The following HERC5 variants were observed in gnomAD, a reference collection of about 807,000 sequenced individuals.
HERC5 encodes the protein E3 ISG15--protein ligase HERC5.
Under a neutral mutation model 119.6 loss-of-function variants are expected in HERC5, and 99 were observed. That is an observed-to-expected ratio of 0.83 (90% CI 0.70 to 0.98). The LOEUF is 0.98. HERC5 is among the 50% of genes least tolerant of loss of function. The pLI is 0.00. For missense variants in HERC5, 1,267 were observed against 1,241.3 expected (o/e 1.02, Z -0.31); for synonymous variants, 478 against 445.9 (o/e 1.07, Z -0.91).
At chr4:88,481,744 A>G (rs1741283799) in intron 13 of HERC5, among the ~76,000 whole-genome samples, 2 of 152,204 alleles carry the variant, frequency 1.3e-5, no homozygotes, top group Non-Finnish European at 2.9e-5. Context: ...CAATACAAAA[A>G]TGAATGGTCA....
intron 18 of HERC5, 118 bp downstream of exon 18, chr4:88,494,449 C>T (rs1741742730): frequency 1.2e-6 from 1 of 833,948 alleles, no homozygotes; most frequent in East Asian, 2.8e-5. Flanking sequence ...GTACTTTAGA[C>T]CAGTTTTAAC....
At chr4:88,482,665 C>A (rs906538001) in intron 13 of HERC5, among the ~76,000 whole-genome samples, 33 of 152,292 alleles carry the variant, frequency 2.2e-4, no homozygotes, top group African/African-American at 7.2e-4. Flanking sequence ...ATAGACAGGT[C>A]CCCCTGGCCC....
intron 12 of HERC5, 71 bp from the exon 13 acceptor site, chr4:88,479,282 C>CT (rs1386017928): frequency 9.0e-7 from 1 of 1,114,804 alleles, no homozygotes; most frequent in Non-Finnish European, 1.2e-6. Flanking sequence ...GAGACTCTGT[C>CT]TCAAAAAAAA....
In HERC5 at chr4:88,460,124, T is replaced by A. The variant is rs1322520060; in HGVS notation, c.419T>A (p.Ile140Lys). 3 of 1,584,166 alleles carry A rather than the reference T, an allele frequency of 1.9e-6. No individual in the cohort carries two copies. Among genetic ancestry groups the A allele is most frequent in the Non-Finnish European group, 1.7e-6 (2 of 1,155,750 alleles). The change falls in exon 3 of 23, where the codon ATA (isoleucine) becomes AAA (lysine). Residue 140 changes from isoleucine to lysine, a missense_variant. This residue lies in a region of HERC5 where 777 missense variants were observed against 758.0 expected (regional missense o/e 1.03). Transcript: ENST00000264350. ...RFESILQEKK[I>K]IQITCGDYHS... Reference sequence around the variant, plus strand: ...GAAAGCATTTTACAAGAAAAAAAAATAATTCAGATCACATGTGGAGATTAC... The same window carrying A: ...GAAAGCATTTTACAAGAAAAAAAAAAAATTCAGATCACATGTGGAGATTAC...
chr4:88,503,136 ATT>A (rs1741994981), intron 20 of HERC5, among the ~76,000 whole-genome samples: 1 of 151,980 alleles, frequency 6.6e-6, no homozygotes. Context: ...TTATCATTTT[ATT>A]TCTCACATTT....
In HERC5 at chr4:88,470,634, C is replaced by A; in HGVS notation, c.1259C>A (p.Ser420Ter). The A allele has an allele frequency of 6.6e-7, 1 of 1,511,516 alleles. No homozygotes were observed. Among genetic ancestry groups the A allele is most frequent in the South Asian group, 1.1e-5 (1 of 87,632 alleles). The allele number at this position is 1,511,516 out of a possible 1,614,324, so 93.6% of individuals were successfully genotyped here. ...TATAGGGAAATCCAAGAGATATTTT[C>A]ATCTCCTGCTTGTCTAACTGGAAGT... ...STKREIQEIF[S>*]SPACLTGSFL... Residue 420 changes from serine to a stop codon, truncating the protein, a stop_gained, in exon 10 of 23, where the codon TCA becomes TAA. Coordinates refer to ENST00000264350, the MANE Select transcript of HERC5 (RefSeq NM_016323.4). LOFTEE classifies it high-confidence loss of function.
intron 18 of HERC5, among the ~76,000 whole-genome samples, chr4:88,496,656 G>T (rs1741804404): frequency 6.6e-6 from 1 of 152,168 alleles, no homozygotes; most frequent in African/African-American, 2.4e-5. Context: ...GTGGATGAAG[G>T]ATTTAGATAT....
intron 18 of HERC5, among the ~76,000 whole-genome samples, chr4:88,498,356 G>A (rs979399930): frequency 6.6e-6 from 1 of 152,190 alleles, no homozygotes; most frequent in African/African-American, 2.4e-5. Flanking sequence ...AGTCATGGGT[G>A]TAGGGCTGCC....
intron 16 of HERC5, among the ~76,000 whole-genome samples, chr4:88,491,186 T>A: frequency 6.6e-6 from 1 of 152,266 alleles, no homozygotes; most frequent in South Asian, 2.1e-4. Flanking sequence ...GCTACAAAGA[T>A]TTTTAGTATT....
chr4:88,479,202 T>C (rs1741186773), intron 12 of HERC5, 151 bp from the exon 13 acceptor site: 18 of 466,466 alleles, frequency 3.9e-5, no homozygotes, highest in Non-Finnish European at 6.2e-5. Context: ...GGAGAATTGC[T>C]TGAACCTGGG....
At chr4:88,476,886 C>T (rs1217710879) in intron 12 of HERC5, among the ~76,000 whole-genome samples, 4 of 151,616 alleles carry the variant, frequency 2.6e-5, no homozygotes, top group Non-Finnish European at 2.9e-5. Flanking sequence ...CGCCATTGCA[C>T]TCCAGCCTGG....
At chr4:88,497,479 G>A (rs1741832064) in intron 18 of HERC5, among the ~76,000 whole-genome samples, 1 of 152,172 alleles carries the variant, frequency 6.6e-6, no homozygotes, top group Non-Finnish European at 1.5e-5. Context: ...AGAGAATGTG[G>A]CTGAATTCTG....
intron 17 of HERC5, among the ~76,000 whole-genome samples, 193 bp downstream of exon 17, chr4:88,493,348 G>A (rs1318572268): frequency 6.6e-6 from 1 of 152,068 alleles, no homozygotes; most frequent in African/African-American, 2.4e-5. Context: ...TCCCATGTCT[G>A]TTCACATCGA....
At chr4:88,468,746 A>G (rs1174917657) in intron 8 of HERC5, among the ~76,000 whole-genome samples, 1 of 152,230 alleles carries the variant, frequency 6.6e-6, no homozygotes, top group East Asian at 1.9e-4. Flanking sequence ...GCAGGCCAGT[A>G]CTAAGAAAGA....
At position 88,461,154 on chromosome 4, in the gene HERC5, T is replaced by C. The variant is rs1740427492; in HGVS notation, c.467-981T>C. The stretch of plus-strand genomic sequence containing the variant: ...AAGGGAAGTTAATAATTAGTGAGTA[T>C]TTGACCTTCATTGCAAGGCCTGTTG... On this transcript the variant is annotated intron_variant, in intron 3 of 22. Coordinates refer to ENST00000264350, the MANE Select transcript of HERC5 (RefSeq NM_016323.4). Among the ~76,000 whole-genome samples, 10 of 152,338 alleles carry C rather than the reference T, an allele frequency of 6.6e-5. No homozygotes were observed. The South Asian group carries it at 2.1e-3, about 32-fold the overall frequency.
rs1252910180 is a variant in HERC5, at chr4:88,460,131, G to C, written c.426G>C (p.Gln142His). Reference sequence around the variant, plus strand: ...TTTTACAAGAAAAAAAAATAATTCAGATCACATGTGGAGATTACCATTCTC... The same window carrying C: ...TTTTACAAGAAAAAAAAATAATTCACATCACATGTGGAGATTACCATTCTC... Reference protein sequence around the residue: ...ESILQEKKIIQITCGDYHSLA... With the variant: ...ESILQEKKIIHITCGDYHSLA... Residue 142 changes from glutamine to histidine, a missense_variant, in exon 3 of 23, where the codon CAG (glutamine) becomes CAC (histidine). By Grantham distance (24) the Gln-to-His change is conservative. Coordinates refer to ENST00000264350, the MANE Select transcript of HERC5 (RefSeq NM_016323.4). 3.1e-6 allele frequency: 5 copies of C among 1,588,636 alleles called. No individual in the cohort carries two copies. The highest frequency in any genetic ancestry group is 4.3e-6 in the Non-Finnish European group (5 of 1,159,764).
At chr4:88,498,662 C>A (rs1331094615) in intron 18 of HERC5, among the ~76,000 whole-genome samples, 1 of 152,144 alleles carries the variant, frequency 6.6e-6, no homozygotes, top group Admixed American at 6.5e-5. Flanking sequence ...CCTCCACCTC[C>A]CAGGTTCAAG....
rs58577205 is a variant in HERC5 at position 88,480,066 on chromosome 4, CAA to C, written c.1737+577_1737+578del. On this transcript the variant is annotated intron_variant, in intron 13 of 22. Coordinates refer to ENST00000264350, the MANE Select transcript of HERC5 (RefSeq NM_016323.4). ...TGGGCGACAGAGCGAGACTCCGTCT[CAA>C]AAAAAAAAAAAAAAAAAGAAATAAC... Among the ~76,000 whole-genome samples the C allele has an allele frequency of 9.6e-3, 898 of 93,896 alleles. 5 individuals are homozygous for C. The highest frequency in any genetic ancestry group is 0.025 in the African/African-American group (688 of 27,554). 61.6% of individuals were successfully genotyped at this position (93,896 alleles called of 152,430 possible).
chr4:88,459,989 G>A (rs764167775), intron 2 of HERC5, 106 bp from the exon 3 acceptor site: 38 of 611,194 alleles, frequency 6.2e-5, no homozygotes, highest in Non-Finnish European at 9.6e-5. Context: ...TAAATTGAAA[G>A]TTTTTTCTTG....
Sources: gnomAD v4.1 joint callset for allele counts (sites outside exome capture counted in the v4.1 genomes callset) on GRCh38, gnomAD v4.1.1 for gene constraint, gnomAD v4.1.1 regional missense constraint, MANE v1.5 for transcripts, NCBI Gene and HGNC (gene_info 2026-07-23, HGNC 2026-07-21) for gene names.